The following FAF1 variants were observed in gnomAD, a reference collection of about 807,000 sequenced individuals.
FAF1 encodes the protein FAS-associated factor 1.
A neutral mutation model predicts 92.5 loss-of-function variants in FAF1; 25 were observed. The observed-to-expected ratio is 0.27, with a 90% CI of 0.20 to 0.38. FAF1 has a LOEUF of 0.38. Ranked by LOEUF, FAF1 falls within the 10% of genes least tolerant of loss-of-function variation. The pLI is 1.00. For synonymous variants in FAF1, 234 were observed against 273.2 expected, an observed-to-expected ratio of 0.86 and a Z score of 1.42; for missense variants, 636 against 793.3, an observed-to-expected ratio of 0.80 and a Z score of 2.38.
intron 18 of FAF1, among the ~76,000 whole-genome samples, chr1:50,468,747 C>T (rs563945749): frequency 7.2e-5 from 11 of 152,192 alleles, no homozygotes; most frequent in African/African-American, 2.6e-4. Flanking sequence ...GTGTGAGCCA[C>T]CACGCCCGGC....
At chr1:50,908,433 C>G (rs537014372) in intron 1 of FAF1, among the ~76,000 whole-genome samples, 1 of 152,032 alleles carries the variant, frequency 6.6e-6, no homozygotes, top group Non-Finnish European at 1.5e-5. Flanking sequence ...TTCTTGTTAA[C>G]TTTCTGTCTC....
At chr1:50,879,279 T>C (rs893006962) in intron 1 of FAF1, among the ~76,000 whole-genome samples, 5 of 150,940 alleles carry the variant, frequency 3.3e-5, no homozygotes, top group Non-Finnish European at 5.9e-5. Context: ...AATGAATGAA[T>C]GAATGAATCA....
intron 1 of FAF1, among the ~76,000 whole-genome samples, chr1:50,904,298 G>T (rs1244268029): frequency 1.3e-5 from 2 of 152,132 alleles, no homozygotes; most frequent in East Asian, 3.9e-4. Flanking sequence ...CTTATATGAG[G>T]TACTAGAGTA....
At chr1:50,806,482 C>T (rs1290765874) in intron 2 of FAF1, among the ~76,000 whole-genome samples, 1 of 152,206 alleles carries the variant, frequency 6.6e-6, no homozygotes, top group African/African-American at 2.4e-5. Context: ...AGTGGAAGCA[C>T]ATACCACAGC....
intron 1 of FAF1, among the ~76,000 whole-genome samples, chr1:50,885,444 C>T (rs1216346733): frequency 1.3e-5 from 2 of 151,842 alleles, no homozygotes; most frequent in African/African-American, 4.8e-5. Context: ...TATACAGTAA[C>T]CTTTGTCTTT....
intron 18 of FAF1, among the ~76,000 whole-genome samples, chr1:50,466,758 T>A (rs1357225154): frequency 6.6e-6 from 1 of 152,172 alleles, no homozygotes; most frequent in Admixed American, 6.5e-5. Flanking sequence ...GTTTTATATA[T>A]CCTGTCCCCA....
intron 7 of FAF1, among the ~76,000 whole-genome samples, chr1:50,677,856 T>C (rs1323520286): frequency 6.9e-6 from 1 of 144,272 alleles, no homozygotes; most frequent in East Asian, 2.0e-4. Context: ...GATTACACCA[T>C]TGCACTCCAG....
chr1:50,862,415 G>A (rs1291110629), intron 1 of FAF1, among the ~76,000 whole-genome samples: 2 of 151,814 alleles, frequency 1.3e-5, no homozygotes, highest in African/African-American at 2.4e-5. Context: ...TGATGGTAAC[G>A]AGCAACTGGC....
At chr1:50,448,202 C>A (rs953091477) in intron 18 of FAF1, among the ~76,000 whole-genome samples, 1 of 152,114 alleles carries the variant, frequency 6.6e-6, no homozygotes, top group African/African-American at 2.4e-5. Flanking sequence ...TGATTCAGTG[C>A]CTTCTTTATG....
intron 6 of FAF1, among the ~76,000 whole-genome samples, chr1:50,723,537 A>G (rs770407051): frequency 5.3e-5 from 8 of 152,100 alleles, no homozygotes; most frequent in Non-Finnish European, 8.8e-5. Flanking sequence ...GGGAGAGAGG[A>G]GAGTAGAGTG....
rs182874665 is a variant in FAF1 at position 50,689,385 on chromosome 1, C to A, written c.657+16401G>T. On this transcript the variant is annotated intron_variant, in intron 7 of 18. Transcript: ENST00000396153. ...GGATCACGAGGTCAGGAGATACAGA[C>A]CATCCTCGCTAACACAGTGAAACCC... Among the ~76,000 whole-genome samples the A allele has an allele frequency of 2.5e-3, 382 of 152,210 alleles. 2 individuals are homozygous for A. Among genetic ancestry groups the A allele is most frequent in the Non-Finnish European group, 4.5e-3 (309 of 68,028 alleles).
intron 4 of FAF1, among the ~76,000 whole-genome samples, chr1:50,785,362 CAT>C (rs984547773): frequency 1.6e-4 from 24 of 151,780 alleles, no homozygotes; most frequent in Admixed American, 6.6e-4. Flanking sequence ...TGAGAGGAAA[CAT>C]GTGTGAACCA....
intron 8 of FAF1, among the ~76,000 whole-genome samples, chr1:50,634,279 A>T (rs1357957709): frequency 1.3e-5 from 2 of 152,184 alleles, no homozygotes; most frequent in East Asian, 3.9e-4. Flanking sequence ...CCTCCAAAAC[A>T]GTTTATAATG....
chr1:50,824,238 G>A (rs1226971781), intron 2 of FAF1, among the ~76,000 whole-genome samples: 1 of 152,046 alleles, frequency 6.6e-6, no homozygotes, highest in Non-Finnish European at 1.5e-5. Flanking sequence ...TATTTTAAAA[G>A]CATCTAGGCT....
intron 17 of FAF1, 73 bp downstream of exon 17, chr1:50,490,515 G>T (rs915612079): frequency 1.2e-5 from 9 of 752,652 alleles, no homozygotes; most frequent in Non-Finnish European, 1.9e-5. Context: ...AGGAAGGAAG[G>T]AAGGTAGGTT....
At chr1:50,500,953 A>G (rs1368097861) in intron 15 of FAF1, among the ~76,000 whole-genome samples, 2 of 152,194 alleles carry the variant, frequency 1.3e-5, no homozygotes. Context: ...ATCGTGATAT[A>G]GTAAGAAATA....
intron 2 of FAF1, among the ~76,000 whole-genome samples, chr1:50,820,562 T>G (rs973457000): frequency 6.6e-6 from 1 of 152,150 alleles, no homozygotes; most frequent in African/African-American, 2.4e-5. Flanking sequence ...AATATAGTAT[T>G]ATTAGCTATG....
chr1:50,925,596 A>G (rs576823570), intron 1 of FAF1, among the ~76,000 whole-genome samples: 4 of 152,338 alleles, frequency 2.6e-5, no homozygotes, highest in Admixed American at 2.0e-4. Flanking sequence ...ACAAAAAATT[A>G]CAAATGCTGG....
intron 12 of FAF1, among the ~76,000 whole-genome samples, chr1:50,567,725 A>C (rs968423794): frequency 3.3e-5 from 5 of 152,066 alleles, no homozygotes; most frequent in Admixed American, 2.6e-4. Flanking sequence ...TCTGAAATCA[A>C]GTTTTCTTTT....
Sources: allele counts gnomAD v4.1 joint callset (sites outside exome capture counted in the v4.1 genomes callset), GRCh38; gene constraint gnomAD v4.1.1; transcripts MANE v1.5; gene names NCBI Gene and HGNC (gene_info 2026-07-23, HGNC 2026-07-21).